PIGZ: variants seen among roughly 807,000 people sequenced by gnomAD.
PIGZ encodes phosphatidylinositol glycan anchor biosynthesis class Z (Gwada blood group).
PIGZ carries 16 observed loss-of-function variants against 16.4 expected under a neutral mutation model. The ratio of observed to expected loss-of-function variants is 0.97; its 90% CI spans 0.66 to 1.48. PIGZ has a LOEUF of 1.48. PIGZ is among the 40% of genes most tolerant of loss of function. The probability of loss-of-function intolerance (pLI) is 0.00; values close to 1 mark genes in which losing one functional copy is unlikely to be tolerated. For missense variants in PIGZ, 770 were observed against 739.2 expected, an observed-to-expected ratio of 1.04 and a Z score of -0.48; for synonymous variants, 409 against 338.4, an observed-to-expected ratio of 1.21 and a Z score of -2.29.
chr3:196,960,723 A>AG, intron 1 of PIGZ, among the ~76,000 whole-genome samples: 3 of 138,576 alleles, frequency 2.2e-5, no homozygotes, highest in Non-Finnish European at 3.1e-5. Context: ...AAGGAAAGAA[A>AG]GAAAAGAAAG....
chr3:196,957,739 C>T (rs572170024), intron 1 of PIGZ, among the ~76,000 whole-genome samples: 33 of 152,256 alleles, frequency 2.2e-4, no homozygotes, highest in African/African-American at 7.5e-4. Flanking sequence ...CACAGTTTTG[C>T]GGGGAGTCTC....
intron 1 of PIGZ, among the ~76,000 whole-genome samples, chr3:196,956,358 G>A (rs150304927): frequency 0.011 from 1,621 of 152,288 alleles, 25 homozygotes; most frequent in Non-Finnish European, 0.014. Flanking sequence ...ATGGCAGCAG[G>A]CAAAAAGCGA....
chr3:196,958,085 G>A (rs998744772), intron 1 of PIGZ, among the ~76,000 whole-genome samples: 2 of 152,128 alleles, frequency 1.3e-5, no homozygotes, highest in African/African-American at 4.8e-5. Context: ...ACCTCTCTAA[G>A]TCCCTGTCTT....
chr3:196,948,480 A>G lies in PIGZ; in HGVS notation c.417T>C (p.Ala139=), dbSNP rs1377630536. 3.1e-6 allele frequency: 5 copies of G among 1,613,612 alleles called. No individual in the cohort carries two copies. In the Admixed American group the frequency reaches 5.0e-5, roughly 16 times the overall value. Residue 139 remains alanine, a synonymous_variant, in exon 3 of 3, where the codon GCT becomes GCC. Transcript: ENST00000412723. ...CCAGGTGGTACACGGCCCCGTCCAGAGCAAAGGAAAGGGCAGTGAGGAGGA... is the reference window on the plus strand; with the variant it reads ...CCAGGTGGTACACGGCCCCGTCCAGGGCAAAGGAAAGGGCAGTGAGGAGGA... ...PRLLLTALSF[A]LDGAVYHLAP...
chr3:196,948,439 G>C lies in PIGZ; in HGVS notation c.458C>G (p.Ala153Gly). ...AVYHLAPPMGADRWNALALLS... is the reference protein window; with the variant it reads ...AVYHLAPPMGGDRWNALALLS... ...CAGGGCCAGGGCGTTCCAGCGATCCGCCCCCATCGGCGGGGCCAGGTGGTA... is the reference window on the plus strand; with the variant it reads ...CAGGGCCAGGGCGTTCCAGCGATCCCCCCCCATCGGCGGGGCCAGGTGGTA... Residue 153 changes from alanine (A) to glycine (G), a missense_variant, in exon 3 of 3, where the codon GCG becomes GGG. Coordinates refer to ENST00000412723, the MANE Select transcript of PIGZ (RefSeq NM_025163.4). The C allele has an allele frequency of 6.2e-7, 1 of 1,614,144 alleles. No individual in the cohort carries two copies. Among genetic ancestry groups the C allele is most frequent in the East Asian group, 2.2e-5 (1 of 44,874 alleles).
In PIGZ at chr3:196,947,756, G is replaced by T. The variant is rs781743457; in HGVS notation, c.1141C>A (p.Leu381Ile). 77 of 1,612,202 alleles carry T rather than the reference G, an allele frequency of 4.8e-5. No homozygotes were observed. The highest frequency in any genetic ancestry group is 6.4e-5 in the Non-Finnish European group (76 of 1,179,140). ...GCCTCCTGGTGGCTAAAGGCAGATA[G>T]CAGGGCCAGAGGCATGAAGTAGAGG... is the stretch of plus-strand genomic sequence containing the variant. ...LLLYFMPLAL[L>I]SAFSHQEARF... The change falls in exon 3 of 3, where the codon CTA becomes ATA. Residue 381 changes from leucine (L) to isoleucine (I), a missense_variant. By Grantham distance (5) the Leu-to-Ile change is conservative. Transcript: ENST00000412723.
rs1358366606 is a variant in PIGZ, at chr3:196,951,599, G to T, written c.211+222C>A. ...CAAGCAGGGATACATCAAAGAGACT[G>T]GTGGTTTATTAGCATTACCCAGAAG... is the stretch of plus-strand genomic sequence containing the variant. On this transcript the variant is annotated intron_variant, in intron 2 of 2. Coordinates refer to ENST00000412723, the MANE Select transcript of PIGZ (RefSeq NM_025163.4). The T allele has an allele frequency of 4.4e-5, 26 of 589,456 alleles. No homozygotes were observed. In the Admixed American group the frequency reaches 7.4e-4, roughly 17 times the overall value. 36.5% of individuals were successfully genotyped at this position (589,456 alleles called of 1,614,324 possible).
At chr3:196,950,445 C>T (rs911740557) in intron 2 of PIGZ, among the ~76,000 whole-genome samples, 1 of 152,246 alleles carries the variant, frequency 6.6e-6, no homozygotes, top group Non-Finnish European at 1.5e-5. Flanking sequence ...TTGTTCACAG[C>T]GTCTCTTGCT....
At chr3:196,952,689 G>C (rs939784197) in intron 1 of PIGZ, among the ~76,000 whole-genome samples, 1 of 152,198 alleles carries the variant, frequency 6.6e-6, no homozygotes. Flanking sequence ...GCCCACTTTG[G>C]CCTCCCAAAC....
Position 196,960,813 on chromosome 3 carries a change from C to A in PIGZ, c.-1+7874G>T, listed in dbSNP as rs187710559. Among the ~76,000 whole-genome samples the A allele has an allele frequency of 2.0e-4, 30 of 151,042 alleles. 1 individual carries two copies. The highest frequency in any genetic ancestry group is 4.4e-4 in the African/African-American group (18 of 41,286). ...CCTTTATGCCCAGAAAGAAAAAAAT[C>A]TTTCAAGAACAAGGACAAAATAAAG... On this transcript the variant is annotated intron_variant, in intron 1 of 2. Transcript: ENST00000412723.
chr3:196,962,532 T>G (rs1717759621), intron 1 of PIGZ, among the ~76,000 whole-genome samples: 1 of 152,212 alleles, frequency 6.6e-6, no homozygotes, highest in African/African-American at 2.4e-5. Context: ...GGAAAGCATC[T>G]GTCTCATGAT....
At chr3:196,962,553 T>A (rs184392158) in intron 1 of PIGZ, among the ~76,000 whole-genome samples, 107 of 151,994 alleles carry the variant, frequency 7.0e-4, no homozygotes, top group Middle Eastern at 3.4e-3. Flanking sequence ...CCCCTGGGAA[T>A]GGAATGTCTT....
intron 2 of PIGZ, among the ~76,000 whole-genome samples, chr3:196,949,787 G>T (rs1047536530): frequency 3.3e-5 from 5 of 151,932 alleles, no homozygotes; most frequent in Non-Finnish European, 2.9e-5. Flanking sequence ...GCGGGCAGGT[G>T]GGGGAGGCCT....
chr3:196,948,969 TC>T lies in PIGZ; in HGVS notation c.212-285del, dbSNP rs1295228482. On this transcript the variant is annotated intron_variant, in intron 2 of 2. Transcript: ENST00000412723. ...TTCCCCTCCCCTCCCTTCCTTCCCT[TC>T]CCCTCCCCTCCCTTCCCTTCCTTCC... 4.5e-4 allele frequency among the ~76,000 whole-genome samples: 9 copies of T among 19,936 alleles called. 1 individual carries two copies. The highest frequency in any genetic ancestry group is 1.9e-3 in the Admixed American group (3 of 1,606). 13.1% of individuals were successfully genotyped at this position (19,936 alleles called of 152,430 possible). A position where few individuals can be genotyped will look rare whatever the true frequency, so the allele number is the denominator to read the frequency against.
At chr3:196,961,580 A>T (rs1164762772) in intron 1 of PIGZ, among the ~76,000 whole-genome samples, 1 of 151,642 alleles carries the variant, frequency 6.6e-6, no homozygotes, top group Non-Finnish European at 1.5e-5. Context: ...CCCATCTCTT[A>T]AAAGAAAAAG....
At position 196,947,958 on chromosome 3, in the gene PIGZ, CGCGT is replaced by C. The variant is rs1560178431; in HGVS notation, c.935_938del (p.His312ArgfsTer42). ...CGTTGACTGCCAGGTGAGTGAGCCGCGCGTGCGTGCCATGTCTCGCCAGGTTTTG... is the reference window on the plus strand; with the variant it reads ...CGTTGACTGCCAGGTGAGTGAGCCGCGCGTGCCATGTCTCGCCAGGTTTTG... On this transcript the variant is annotated frameshift_variant, in exon 3 of 3. Transcript: ENST00000412723. LOFTEE classifies it low-confidence loss of function (END_TRUNC). The C allele has an allele frequency of 6.2e-7, 1 of 1,611,670 alleles. No individual in the cohort carries two copies. Among genetic ancestry groups the C allele is most frequent in the South Asian group, 1.1e-5 (1 of 90,886 alleles).
At chr3:196,955,767 C>G (rs142020042) in intron 1 of PIGZ, among the ~76,000 whole-genome samples, 1 of 151,424 alleles carries the variant, frequency 6.6e-6, no homozygotes, top group East Asian at 1.9e-4. Context: ...TTAGTAGAGA[C>G]GGGGTTTTGC....
rs371300437 is a variant in PIGZ, at chr3:196,967,969, A to G, written c.-1+718T>C. Among the ~76,000 whole-genome samples the G allele has an allele frequency of 4.0e-4, 61 of 152,314 alleles. 1 individual carries two copies. The South Asian group carries it at 0.011, about 28-fold the overall frequency. ...AGTAGTTCTCAGTTTTCCGAGGCAA[A>G]GGTGTCTGGGGCTGACGAATGACTT... On this transcript the variant is annotated intron_variant, in intron 1 of 2. Coordinates refer to ENST00000412723, the MANE Select transcript of PIGZ (RefSeq NM_025163.4).
intron 1 of PIGZ, among the ~76,000 whole-genome samples, chr3:196,964,030 G>C (rs1270953098): frequency 6.9e-6 from 1 of 143,900 alleles, no homozygotes; most frequent in Admixed American, 6.8e-5. Flanking sequence ...TTATTTGTTT[G>C]CTTTTATTTT....
Sources: allele counts gnomAD v4.1 joint callset (sites outside exome capture counted in the v4.1 genomes callset), GRCh38; gene constraint gnomAD v4.1.1; transcripts MANE v1.5; gene names NCBI Gene and HGNC (gene_info 2026-07-23, HGNC 2026-07-21).